Variants in TTC39B observed in about 807,000 individuals in gnomAD.
TTC39B encodes tetratricopeptide repeat protein 39B.
Under a neutral mutation model 96.6 loss-of-function variants are expected in TTC39B, and 92 were observed. The ratio of observed to expected loss-of-function variants is 0.95; its 90% CI spans 0.80 to 1.13. The LOEUF (loss-of-function observed/expected upper bound fraction) is 1.13, where lower values mean the gene tolerates loss of function less well. TTC39B is among the 50% of genes most tolerant of loss of function. TTC39B has a pLI of 0.00. For synonymous variants in TTC39B, 367 were observed against 299.4 expected (o/e 1.23, Z -2.33); for missense variants, 955 against 809.3 (o/e 1.18, Z -2.18).
intron 3 of TTC39B, among the ~76,000 whole-genome samples, chr9:15,219,363 A>G (rs765540300): frequency 1.2e-4 from 18 of 152,200 alleles, no homozygotes; most frequent in Non-Finnish European, 2.5e-4. Flanking sequence ...ATATGCACAC[A>G]TACATGGTGA....
At chr9:15,185,404 T>C (rs775188939) in exon 16 of TTC39B, 2 of 1,613,648 alleles carry the variant, frequency 1.2e-6, no homozygotes, top group Non-Finnish European at 1.7e-6. Flanking sequence ...GCTGTCCACC[T>C]GTCTGTGAAG....
At chr9:15,246,433 TAGAG>T (rs768825983) in intron 2 of TTC39B, among the ~76,000 whole-genome samples, 3 of 151,958 alleles carry the variant, frequency 2.0e-5, no homozygotes, top group Non-Finnish European at 2.9e-5. Flanking sequence ...CAGCTGGAAA[TAGAG>T]AGAAGGACAG....
intron 8 of TTC39B, among the ~76,000 whole-genome samples, chr9:15,197,995 C>G (rs1337204085): frequency 6.6e-6 from 1 of 152,026 alleles, no homozygotes; most frequent in Non-Finnish European, 1.5e-5. Flanking sequence ...AAAGGAAGTT[C>G]TTTAGTCTGA....
rs118121429 is a variant in TTC39B at position 15,276,815 on chromosome 9, G to A, written c.241-8867C>T. Among the ~76,000 whole-genome samples, 1,065 of 152,260 alleles carry A rather than the reference G, an allele frequency of 7.0e-3. 9 individuals carry two copies. The highest frequency in any genetic ancestry group is 0.011 in the Admixed American group (162 of 15,306). ...AAGATTCCAGCCGCCCACTGGGATT[G>A]TAAGGATGTGAGATAACTCACAGAA... On this transcript the variant is annotated intron_variant, in intron 1 of 19. Coordinates refer to ENST00000512701, the Ensembl canonical transcript of TTC39B.
chr9:15,298,318 A>C lies in TTC39B; in HGVS notation c.240+8766T>G, dbSNP rs1390264748. ...CTCTGCAGCTCTCCAGCTTGCAGAC[A>C]GCATATGGTAGGGCTTCTCACGCTC... On this transcript the variant is annotated intron_variant, in intron 1 of 19. Coordinates refer to ENST00000512701, the Ensembl canonical transcript of TTC39B. 1.3e-5 allele frequency among the ~76,000 whole-genome samples: 2 copies of C among 152,212 alleles called. 1 individual carries two copies. The highest frequency in any genetic ancestry group is 2.9e-5 in the Non-Finnish European group (2 of 68,034).
At chr9:15,299,495 T>C (rs1274451884) in intron 1 of TTC39B, among the ~76,000 whole-genome samples, 1 of 152,006 alleles carries the variant, frequency 6.6e-6, no homozygotes, top group Non-Finnish European at 1.5e-5. Context: ...ACGGACTTGG[T>C]GCATCAGGAG....
At chr9:15,168,656 C>T (rs1027471029) in exon 20 of TTC39B, 1 of 152,158 alleles carries the variant, frequency 6.6e-6, no homozygotes, top group Non-Finnish European at 1.5e-5. Context: ...ACTCAAAATA[C>T]AAAAAATTAG....
chr9:15,198,834 G>C (rs1323732203), intron 8 of TTC39B, among the ~76,000 whole-genome samples: 1 of 151,896 alleles, frequency 6.6e-6, no homozygotes, highest in Admixed American at 6.6e-5. Flanking sequence ...AACAAAAATA[G>C]GTTTAAAGTA....
Position 15,168,431 on chromosome 9 carries a change from A to AAAAAC in TTC39B, c.*3587_*3588insGTTTT, listed in dbSNP as rs1554758975. On this transcript the variant is annotated 3_prime_UTR_variant, in exon 20 of 20. Coordinates refer to ENST00000512701, the Ensembl canonical transcript of TTC39B. ...CAGAGTATAAATACAAAAAAAAAAAACAGAAATGGAGGGAAATGAATGAAG... is the reference window on the plus strand; with the variant it reads ...CAGAGTATAAATACAAAAAAAAAAAAAAAACCAGAAATGGAGGGAAATGAATGAAG... The AAAAAC allele has an allele frequency of 3.3e-5, 5 of 151,822 alleles. No homozygotes were observed. In the East Asian group the frequency reaches 7.7e-4, roughly 23 times the overall value. 9.4% of individuals were successfully genotyped at this position (151,822 alleles called of 1,614,324 possible).
intron 1 of TTC39B, among the ~76,000 whole-genome samples, chr9:15,286,237 G>T (rs1027367398): frequency 5.9e-5 from 9 of 152,194 alleles, no homozygotes; most frequent in Admixed American, 6.5e-5. Flanking sequence ...ATCAGTCTAG[G>T]CTCAGCTTTC....
At chr9:15,225,477 G>A (rs182343949) in intron 3 of TTC39B, among the ~76,000 whole-genome samples, 4 of 152,108 alleles carry the variant, frequency 2.6e-5, no homozygotes, top group African/African-American at 9.6e-5. Context: ...ATCTATTATG[G>A]TTACAACTGT....
intron 17 of TTC39B, among the ~76,000 whole-genome samples, chr9:15,180,557 C>A (rs1278895042): frequency 1.3e-5 from 2 of 152,176 alleles, no homozygotes; most frequent in African/African-American, 4.8e-5. Flanking sequence ...TTTAGACACA[C>A]TTGCAAAGCT....
chr9:15,175,864 C>T (rs1464998130), intron 18 of TTC39B, among the ~76,000 whole-genome samples: 1 of 152,188 alleles, frequency 6.6e-6, no homozygotes, highest in African/African-American at 2.4e-5. Flanking sequence ...AAACTGAGAC[C>T]TCTATTTAAA....
intron 1 of TTC39B, among the ~76,000 whole-genome samples, chr9:15,285,030 G>A (rs1823906090): frequency 6.6e-6 from 1 of 152,112 alleles, no homozygotes; most frequent in Non-Finnish European, 1.5e-5. Flanking sequence ...GGGAGGCCGA[G>A]GCGAGCGGAT....
At chr9:15,230,997 A>G (rs1821391280) in intron 2 of TTC39B, among the ~76,000 whole-genome samples, 1 of 151,814 alleles carries the variant, frequency 6.6e-6, no homozygotes, top group Non-Finnish European at 1.5e-5. Flanking sequence ...AAAAAAAAAA[A>G]AACAAACAAG....
At chr9:15,214,243 T>C (rs1196664071) in exon 4 of TTC39B, 2 of 1,613,024 alleles carry the variant, frequency 1.2e-6, no homozygotes, top group African/African-American at 1.3e-5. Flanking sequence ...CCTTGGTTGA[T>C]GATGAACTAA....
At chr9:15,229,031 A>G (rs1264482989) in intron 2 of TTC39B, among the ~76,000 whole-genome samples, 1 of 152,224 alleles carries the variant, frequency 6.6e-6, no homozygotes, top group African/African-American at 2.4e-5. Flanking sequence ...GCCACAAACT[A>G]ATTTTTTTAT....
exon 3 of TTC39B, chr9:15,225,993 C>T (rs769080516): frequency 2.7e-5 from 44 of 1,613,632 alleles, no homozygotes; most frequent in South Asian, 1.9e-4. Context: ...CTGCTTGTTG[C>T]CATATCTGAG....
At chr9:15,285,038 G>T (rs79159503) in intron 1 of TTC39B, among the ~76,000 whole-genome samples, 1,967 of 152,198 alleles carry the variant, frequency 0.013, 49 homozygotes, top group African/African-American at 0.044. Flanking sequence ...GAGGCGAGCG[G>T]ATCACGAGGT....
Sources: allele counts gnomAD v4.1 joint callset (sites outside exome capture counted in the v4.1 genomes callset), GRCh38; gene constraint gnomAD v4.1.1; transcripts MANE v1.5; gene names NCBI Gene and HGNC (gene_info 2026-07-23, HGNC 2026-07-21).